Variants in CLDN16 observed in about 807,000 individuals in gnomAD.
The protein encoded by CLDN16 is claudin-16.
CLDN16 carries 13 observed loss-of-function variants against 24.6 expected under a neutral mutation model. That is an observed-to-expected ratio of 0.53 (90% CI 0.34 to 0.84). CLDN16 has a LOEUF of 0.84. Ranked by LOEUF, CLDN16 falls within the 40% of genes least tolerant of loss-of-function variation. The pLI is 0.01. For missense variants in CLDN16, 298 were observed against 292.7 expected (o/e 1.02, Z -0.13); for synonymous variants, 116 against 106.7 (o/e 1.09, Z -0.54).
intron 1 of CLDN16, among the ~76,000 whole-genome samples, chr3:190,397,712 A>G (rs187873703): frequency 6.6e-6 from 1 of 152,340 alleles, no homozygotes; most frequent in East Asian, 1.9e-4. Flanking sequence ...ATTCTCACGT[A>G]CCTTAACTGA....
chr3:190,313,295 A>G, the CLDN16 span: 9 of 471,642 alleles, frequency 1.9e-5, no homozygotes, highest in African/African-American at 1.6e-4. Context: ...TTCAAAATCA[A>G]CTGGAAAATT....
chr3:190,375,777 G>A (rs757575056), intron 3 of CLDN16, among the ~76,000 whole-genome samples: 3 of 151,640 alleles, frequency 2.0e-5, no homozygotes, highest in Non-Finnish European at 4.4e-5. Flanking sequence ...TAGAAGATTC[G>A]GCTTCTGCAA....
chr3:190,379,573 CAACAAACA>C (rs200542579), intron 3 of CLDN16, among the ~76,000 whole-genome samples: 3 of 152,010 alleles, frequency 2.0e-5, no homozygotes, highest in African/African-American at 7.2e-5. Flanking sequence ...CATTGGGCTT[CAACAAACA>C]AACAAACAAA....
At chr3:190,356,659 T>C (rs1233577095) in intron 1 of CLDN16, among the ~76,000 whole-genome samples, 1 of 151,946 alleles carries the variant, frequency 6.6e-6, no homozygotes, top group Non-Finnish European at 1.5e-5. Context: ...TAATATTCAA[T>C]GAGTGATATT....
the CLDN16 span, chr3:190,310,140 C>T: frequency 6.3e-7 from 1 of 1,585,282 alleles, no homozygotes; most frequent in Non-Finnish European, 8.7e-7. Flanking sequence ...TCTCAGAAAA[C>T]AAACTATTTT....
rs118172670 is a variant in CLDN16 at position 190,368,957 on chromosome 3, G to A, written n.122-1936G>A. Among the ~76,000 whole-genome samples the A allele has an allele frequency of 6.1e-4, 92 of 151,980 alleles. 1 individual carries two copies. The East Asian group carries it at 0.017, about 28-fold the overall frequency. On this transcript the variant is annotated intron_variant and non_coding_transcript_variant, in intron 1 of 4. Transcript: ENST00000468220. ...AGGCCCTGCCTTTAAATGTTAACAA[G>A]CATCTTAGTTTATAATGTGTTATTA...
chr3:190,334,540 G>A (rs1717256178), intron 1 of CLDN16, among the ~76,000 whole-genome samples: 1 of 152,228 alleles, frequency 6.6e-6, no homozygotes, highest in Non-Finnish European at 1.5e-5. Flanking sequence ...TTTCCACTCA[G>A]TCTGTTCCCC....
At chr3:190,408,848 T>C (rs1370601920) in intron 4 of CLDN16, among the ~76,000 whole-genome samples, 2 of 147,932 alleles carry the variant, frequency 1.4e-5, no homozygotes, top group African/African-American at 2.5e-5. Context: ...TACATATATA[T>C]ACACATATAG....
At chr3:190,337,814 T>C (rs1342581353) in intron 1 of CLDN16, among the ~76,000 whole-genome samples, 1 of 152,190 alleles carries the variant, frequency 6.6e-6, no homozygotes, top group Admixed American at 6.5e-5. Context: ...TAGCATCTCA[T>C]ACAATATCAC....
the CLDN16 span, among the ~76,000 whole-genome samples, chr3:190,310,666 TC>T: frequency 6.6e-6 from 1 of 152,214 alleles, no homozygotes; most frequent in Non-Finnish European, 1.5e-5. Flanking sequence ...ATGTTCTTGA[TC>T]AAACTCAAAA....
chr3:190,304,678 G>C, the CLDN16 span, among the ~76,000 whole-genome samples: 1 of 152,068 alleles, frequency 6.6e-6, no homozygotes, highest in Admixed American at 6.6e-5. Context: ...GGGCAGGCTG[G>C]GGGTAAATGG....
intron 1 of CLDN16, among the ~76,000 whole-genome samples, chr3:190,393,777 ATC>A (rs1229894577): frequency 1.5e-5 from 2 of 136,462 alleles, no homozygotes; most frequent in Admixed American, 7.7e-5. Flanking sequence ...TTAAATCAGA[ATC>A]TCTCTCTGTC....
At chr3:190,329,996 T>C (rs757448302) in intron 1 of CLDN16, among the ~76,000 whole-genome samples, 18 of 152,206 alleles carry the variant, frequency 1.2e-4, no homozygotes, top group Non-Finnish European at 2.5e-4. Flanking sequence ...GCTGACTAAT[T>C]TGGGGACTAT....
chr3:190,340,670 C>T (rs1717407019), intron 1 of CLDN16, among the ~76,000 whole-genome samples: 1 of 152,124 alleles, frequency 6.6e-6, no homozygotes, highest in Admixed American at 6.6e-5. Flanking sequence ...CATTTCAAAA[C>T]CAATCATGCC....
upstream of CLDN16, among the ~76,000 whole-genome samples, chr3:190,383,350 T>C (rs780154111): frequency 1.3e-5 from 2 of 152,148 alleles, no homozygotes; most frequent in Non-Finnish European, 2.9e-5. Context: ...TCATCTGCTC[T>C]GAACACTTGG....
chr3:190,390,353 G>C (rs1718618129), intron 1 of CLDN16, among the ~76,000 whole-genome samples: 1 of 152,166 alleles, frequency 6.6e-6, no homozygotes. Flanking sequence ...GGCCGACATA[G>C]TGAAACCCCA....
intron 2 of CLDN16, among the ~76,000 whole-genome samples, chr3:190,372,550 G>A (rs933389350): frequency 2.0e-5 from 3 of 151,824 alleles, no homozygotes; most frequent in Non-Finnish European, 4.4e-5. Context: ...AGGCTGAGGT[G>A]GGAGGATCAA....
intron 1 of CLDN16, among the ~76,000 whole-genome samples, chr3:190,398,245 G>T (rs141948520): frequency 3.9e-5 from 6 of 152,202 alleles, no homozygotes; most frequent in African/African-American, 1.4e-4. Flanking sequence ...CCATAAACTC[G>T]GTGGCTTAAC....
At chr3:190,324,611 G>A (rs777085315) in intron 1 of CLDN16, among the ~76,000 whole-genome samples, 2 of 152,182 alleles carry the variant, frequency 1.3e-5, no homozygotes, top group African/African-American at 2.4e-5. Context: ...GCGGGGAATC[G>A]GAGGGATGAG....
Sources: allele counts gnomAD v4.1 joint callset (sites outside exome capture counted in the v4.1 genomes callset), GRCh38; gene constraint gnomAD v4.1.1; transcripts MANE v1.5; gene names NCBI Gene and HGNC (gene_info 2026-07-23, HGNC 2026-07-21).